SMAD2: variants seen among roughly 807,000 people sequenced by gnomAD.
SMAD2 encodes the protein SMAD family member 2, also known as MAD homolog 2.
In SMAD2, 8 loss-of-function variants were observed where a neutral mutation model predicts 64.4. That is an observed-to-expected ratio of 0.12 (90% CI 0.07 to 0.22). The LOEUF is 0.22. Among genes scored for constraint, SMAD2 ranks in the 10% least tolerant of loss-of-function variants. SMAD2 has a pLI of 1.00. For missense variants in SMAD2, 289 were observed against 561.2 expected (o/e 0.51, Z 4.90); for synonymous variants, 203 against 195.8 (o/e 1.04, Z -0.31).
rs561974259 is a variant in SMAD2 at position 47,826,240 on chromosome 18, G to A, written c.*15587C>T. The stretch of plus-strand genomic sequence containing the variant: ...TAAGTCCCAGCTTGAGCATTCTTCA[G>A]CTTCTCCACATTTTCCATTGTTTGC... On this transcript the variant is annotated 3_prime_UTR_variant, in exon 11 of 11. Coordinates refer to ENST00000262160, the MANE Select transcript of SMAD2 (RefSeq NM_005901.6). 6.6e-6 allele frequency: 1 copy of A among 152,248 alleles called. No individual in the cohort carries two copies. Among genetic ancestry groups the A allele is most frequent in the Non-Finnish European group, 1.5e-5 (1 of 68,072 alleles). The allele number at this position is 152,248 out of a possible 1,614,324, so 9.4% of individuals were successfully genotyped here. A position where few individuals can be genotyped will look rare whatever the true frequency, so the allele number is the denominator to read the frequency against.
intron 6 of SMAD2, among the ~76,000 whole-genome samples, chr18:47,861,902 A>G (rs1372802838): frequency 1.3e-5 from 2 of 152,214 alleles, no homozygotes; most frequent in Admixed American, 6.5e-5. Context: ...TTAATACTCT[A>G]TGAGTTAAAT....
intron 2 of SMAD2, among the ~76,000 whole-genome samples, chr18:47,876,142 AT>A (rs1356329344): frequency 6.6e-6 from 1 of 152,060 alleles, no homozygotes; most frequent in Non-Finnish European, 1.5e-5. Context: ...TCCTAAAGAG[AT>A]TATTAAGTTA....
intron 2 of SMAD2, among the ~76,000 whole-genome samples, chr18:47,885,330 G>A (rs1477603239): frequency 6.6e-6 from 1 of 151,908 alleles, no homozygotes; most frequent in Admixed American, 6.6e-5. Flanking sequence ...ACTTGGCCCA[G>A]CTAATTTTTA....
chr18:47,898,512 A>C (rs1321403169), intron 1 of SMAD2, among the ~76,000 whole-genome samples: 1 of 152,192 alleles, frequency 6.6e-6, no homozygotes, highest in African/African-American at 2.4e-5. Context: ...GAAGATCCTA[A>C]CACAAGATGC....
chr18:47,858,368 A>G (rs1287496896), intron 6 of SMAD2, among the ~76,000 whole-genome samples: 1 of 152,224 alleles, frequency 6.6e-6, no homozygotes, highest in African/African-American at 2.4e-5. Flanking sequence ...TCAACAAAGG[A>G]GCCAATGTAA....
chr18:47,903,369 G>T (rs993242204), intron 1 of SMAD2, among the ~76,000 whole-genome samples: 12 of 151,132 alleles, frequency 7.9e-5, no homozygotes, highest in Non-Finnish European at 1.5e-4. Context: ...AGAGAAAGAG[G>T]GGGTGGGGGG....
At chr18:47,889,390 A>G (rs542186598) in intron 2 of SMAD2, among the ~76,000 whole-genome samples, 7 of 152,178 alleles carry the variant, frequency 4.6e-5, no homozygotes, top group Admixed American at 6.5e-5. Context: ...ATGTAGTCAC[A>G]TAAGAATGTC....
In SMAD2 at chr18:47,821,307, A is replaced by C. The variant is rs1912565136; in HGVS notation, c.*20520T>G. The C allele has an allele frequency of 1.3e-5, 2 of 151,990 alleles. No homozygotes were observed. The highest frequency in any genetic ancestry group is 4.8e-5 in the African/African-American group (2 of 41,380). 9.4% of individuals were successfully genotyped at this position (151,990 alleles called of 1,614,324 possible). A position where few individuals can be genotyped will look rare whatever the true frequency, so the allele number is the denominator to read the frequency against. On this transcript the variant is annotated 3_prime_UTR_variant, in exon 11 of 11. Coordinates refer to ENST00000262160, the MANE Select transcript of SMAD2 (RefSeq NM_005901.6). ...ATCTTTTTGTTTGGCAGGGGTGATA[A>C]CTCTTAACTTTTTCATTAGCTCCTG...
intron 6 of SMAD2, among the ~76,000 whole-genome samples, chr18:47,856,854 A>ATTTTTTT (rs758202544): frequency 1.6e-5 from 2 of 123,282 alleles, no homozygotes. Context: ...AACTATGCTA[A>ATTTTTTT]TTTTTTTTTT....
At chr18:47,846,550 A>T (rs1914507365) in intron 8 of SMAD2, among the ~76,000 whole-genome samples, 2 of 152,156 alleles carry the variant, frequency 1.3e-5, no homozygotes, top group African/African-American at 4.8e-5. Context: ...TTTAAAAGGG[A>T]CTAGACTGTC....
At chr18:47,885,826 G>T (rs1413200331) in intron 2 of SMAD2, among the ~76,000 whole-genome samples, 1 of 152,098 alleles carries the variant, frequency 6.6e-6, no homozygotes, top group Non-Finnish European at 1.5e-5. Flanking sequence ...GCCTAGCATG[G>T]TGGCACACAA....
intron 1 of SMAD2, among the ~76,000 whole-genome samples, chr18:47,917,640 GGA>G: frequency 6.6e-6 from 1 of 152,034 alleles, no homozygotes; most frequent in East Asian, 1.9e-4. Flanking sequence ...CAATTCTTTT[GGA>G]GAGTTATTGG....
rs1322055610 is a variant in SMAD2, at chr18:47,834,159, G to C, written c.*7668C>G. ...ATGTTGACAGCCATAGTGCAGCTGA[G>C]TTTAGAAGCAACTATGACAACATAG... On this transcript the variant is annotated 3_prime_UTR_variant, in exon 11 of 11. Coordinates refer to ENST00000262160, the MANE Select transcript of SMAD2 (RefSeq NM_005901.6). 1 of 212,954 alleles carries C rather than the reference G, an allele frequency of 4.7e-6. No homozygotes were observed. Among genetic ancestry groups the C allele is most frequent in the African/African-American group, 2.3e-5 (1 of 44,104 alleles). The allele number at this position is 212,954 out of a possible 1,614,324, so 13.2% of individuals were successfully genotyped here.
chr18:47,923,026 A>T (rs1223662760), intron 1 of SMAD2, among the ~76,000 whole-genome samples: 1 of 151,210 alleles, frequency 6.6e-6, no homozygotes, highest in East Asian at 2.0e-4. Context: ...TCCACATTAA[A>T]TAGGGACTGC....
chr18:47,850,264 ATATATAT>A (rs1473725505), intron 7 of SMAD2, among the ~76,000 whole-genome samples: 18 of 80,132 alleles, frequency 2.2e-4, no homozygotes, highest in Admixed American at 7.1e-4. Context: ...ATTATGTATA[ATATATAT>A]TATATATTAT....
At position 47,845,430 on chromosome 18, in the gene SMAD2, G is replaced by T; in HGVS notation, c.1190C>A (p.Ser397Tyr). ...GACGGCTTCAAAACCCTGATTAACA[G>T]ACTGAGCCAGAAGAGCAGCAAATTC... The part of the protein sequence containing the change: ...NQEFAALLAQ[S>Y]VNQGFEAVYQ... Residue 397 changes from serine (S) to tyrosine (Y), a missense_variant, in exon 10 of 11, where the codon TCT becomes TAT. Ser to Tyr is a moderately radical substitution (Grantham distance 144). Transcript: ENST00000262160. 1 of 1,613,436 alleles carries T rather than the reference G, an allele frequency of 6.2e-7. No homozygotes were observed. Among genetic ancestry groups the T allele is most frequent in the Non-Finnish European group, 8.5e-7 (1 of 1,179,416 alleles).
intron 2 of SMAD2, among the ~76,000 whole-genome samples, chr18:47,886,182 G>A (rs988495238): frequency 3.3e-5 from 5 of 152,140 alleles, no homozygotes; most frequent in African/African-American, 4.8e-5. Context: ...GTTTTATAAT[G>A]CTTGACTTTG....
intron 1 of SMAD2, among the ~76,000 whole-genome samples, chr18:47,911,397 TACTC>T (rs1331297811): frequency 1.1e-4 from 17 of 149,832 alleles, no homozygotes; most frequent in South Asian, 2.1e-4. Context: ...AATATAATCA[TACTC>T]ACGCCCCTCG....
chr18:47,863,864 A>G (rs910412580), intron 6 of SMAD2, among the ~76,000 whole-genome samples: 2 of 152,180 alleles, frequency 1.3e-5, no homozygotes, highest in Non-Finnish European at 2.9e-5. Flanking sequence ...AAACTTTTCC[A>G]AAGTGTTGAA....
Sources: gnomAD v4.1 joint callset for allele counts (sites outside exome capture counted in the v4.1 genomes callset) on GRCh38, gnomAD v4.1.1 for gene constraint, MANE v1.5 for transcripts, NCBI Gene and HGNC (gene_info 2026-07-23, HGNC 2026-07-21) for gene names.